The following NAALADL2 variants were observed in gnomAD, a reference collection of about 807,000 sequenced individuals.
NAALADL2 encodes N-acetylated alpha-linked acidic dipeptidase like 2, also known as inactive N-acetylated-alpha-linked acidic dipeptidase-like protein 2.
NAALADL2 carries 76 observed loss-of-function variants against 87.2 expected under a neutral mutation model. The observed-to-expected ratio is 0.87, with a 90% CI of 0.72 to 1.05. NAALADL2 has a LOEUF of 1.05. Ranked by LOEUF, NAALADL2 falls within the 50% of genes least tolerant of loss-of-function variation. The pLI is 0.00. For synonymous variants in NAALADL2, 354 were observed against 331.0 expected, an observed-to-expected ratio of 1.07 and a Z score of -0.75; for missense variants, 1,089 against 945.8, an observed-to-expected ratio of 1.15 and a Z score of -1.99.
At chr3:174,849,914 A>G (rs1725061728) in intron 3 of NAALADL2, among the ~76,000 whole-genome samples, 1 of 152,042 alleles carries the variant, frequency 6.6e-6, no homozygotes, top group African/African-American at 2.4e-5. Flanking sequence ...TCTTCCTACT[A>G]AAGATATAAG....
At chr3:175,581,967 C>A (rs1719849098) in intron 10 of NAALADL2, among the ~76,000 whole-genome samples, 1 of 152,128 alleles carries the variant, frequency 6.6e-6, no homozygotes, top group South Asian at 2.1e-4. Context: ...ATTCACCTGA[C>A]AAACAGCATG....
At chr3:174,796,010 T>A (rs762115048) in intron 3 of NAALADL2, among the ~76,000 whole-genome samples, 31 of 152,180 alleles carry the variant, frequency 2.0e-4, no homozygotes, top group Non-Finnish European at 4.1e-4. Context: ...TGTGAATTAT[T>A]TAGAGATGGA....
intron 2 of NAALADL2, among the ~76,000 whole-genome samples, chr3:174,679,504 G>T (rs1456620113): frequency 6.6e-6 from 1 of 151,994 alleles, no homozygotes; most frequent in Non-Finnish European, 1.5e-5. Context: ...ATGTATGTGG[G>T]TTACATCTGT....
intron 4 of NAALADL2, among the ~76,000 whole-genome samples, chr3:175,262,581 T>A (rs1307140401): frequency 4.5e-5 from 4 of 89,460 alleles, no homozygotes; most frequent in African/African-American, 1.1e-4. Flanking sequence ...TGTGAGTGTG[T>A]GTGTGTGTGT....
intron 7 of NAALADL2, among the ~76,000 whole-genome samples, chr3:175,465,326 T>C (rs1723823983): frequency 6.6e-6 from 1 of 152,042 alleles, no homozygotes; most frequent in Non-Finnish European, 1.5e-5. Context: ...AATAATCAAT[T>C]AGCATTGTTT....
intron 5 of NAALADL2, among the ~76,000 whole-genome samples, chr3:175,422,114 G>C (rs62285186): frequency 6.6e-6 from 1 of 152,014 alleles, no homozygotes; most frequent in Admixed American, 6.6e-5. Flanking sequence ...TGAAGTATTC[G>C]TGTAGATGAT....
intron 1 of NAALADL2, among the ~76,000 whole-genome samples, chr3:174,522,847 T>G (rs1393342739): frequency 2.2e-5 from 3 of 138,736 alleles, no homozygotes; most frequent in African/African-American, 5.4e-5. Flanking sequence ...GGCAGGAGAA[T>G]GGCGTGAACC....
intron 1 of NAALADL2, among the ~76,000 whole-genome samples, chr3:175,033,380 A>G (rs1753010257): frequency 6.6e-6 from 1 of 151,988 alleles, no homozygotes; most frequent in Admixed American, 6.6e-5. Flanking sequence ...AACAGATGAT[A>G]TTGTCTGTCT....
intron 5 of NAALADL2, among the ~76,000 whole-genome samples, chr3:175,386,160 T>G (rs1317570498): frequency 6.6e-6 from 1 of 152,076 alleles, no homozygotes; most frequent in Non-Finnish European, 1.5e-5. Flanking sequence ...CTTTGCTTGA[T>G]TGTTGGTTTG....
chr3:175,354,750 C>T (rs1764154599), intron 5 of NAALADL2, among the ~76,000 whole-genome samples: 1 of 151,776 alleles, frequency 6.6e-6, no homozygotes, highest in South Asian at 2.1e-4. Context: ...AACTCTGGGT[C>T]TCAAGTGATC....
intron 13 of NAALADL2, among the ~76,000 whole-genome samples, chr3:175,788,589 T>C (rs748998189): frequency 1.3e-5 from 2 of 152,132 alleles, no homozygotes; most frequent in Non-Finnish European, 2.9e-5. Context: ...CCGTCTATGT[T>C]TGGGTAAGTA....
chr3:175,256,994 C>CT (rs1373705937), intron 4 of NAALADL2: 1 of 152,050 alleles, frequency 6.6e-6, no homozygotes, highest in Non-Finnish European at 1.5e-5. Flanking sequence ...GTCAACTATA[C>CT]AACTACAGTT....
At chr3:175,021,589 G>C (rs1751570859) in intron 1 of NAALADL2, among the ~76,000 whole-genome samples, 1 of 152,044 alleles carries the variant, frequency 6.6e-6, no homozygotes, top group Non-Finnish European at 1.5e-5. Flanking sequence ...TGAACTTGTG[G>C]AGAAGTCAAA....
At chr3:175,005,199 C>T (rs533380568) in intron 1 of NAALADL2, among the ~76,000 whole-genome samples, 8 of 152,136 alleles carry the variant, frequency 5.3e-5, no homozygotes, top group African/African-American at 1.9e-4. Context: ...GGGATAGATA[C>T]TATTATTATC....
chr3:175,431,364 T>G (rs560002605), intron 5 of NAALADL2, among the ~76,000 whole-genome samples: 1 of 152,076 alleles, frequency 6.6e-6, no homozygotes, highest in South Asian at 2.1e-4. Flanking sequence ...GATTTTTTGT[T>G]TGTTTGTTTG....
At chr3:175,535,932 G>T (rs1399141233) in intron 9 of NAALADL2, among the ~76,000 whole-genome samples, 2 of 152,142 alleles carry the variant, frequency 1.3e-5, no homozygotes, top group African/African-American at 4.8e-5. Context: ...AAATGCACTA[G>T]TATGTCCATT....
intron 1 of NAALADL2, among the ~76,000 whole-genome samples, chr3:174,495,263 CA>C (rs199803612): frequency 0.072 from 8,613 of 120,244 alleles, 243 homozygotes; most frequent in African/African-American, 0.14. Flanking sequence ...ATTAACAAAC[CA>C]AAAAAAAAAA....
At chr3:175,008,721 C>CGTTACAGGGTAAGGCAA (rs138416001) in intron 1 of NAALADL2, among the ~76,000 whole-genome samples, 1 of 151,652 alleles carries the variant, frequency 6.6e-6, no homozygotes, top group Admixed American at 6.6e-5. Context: ...TACCCTACAA[C>CGTTACAGGGTAAGGCAA]GTTATAGGGT....
intron 1 of NAALADL2, among the ~76,000 whole-genome samples, chr3:174,891,254 A>C (rs1017931837): frequency 5.9e-5 from 9 of 152,126 alleles, no homozygotes; most frequent in African/African-American, 2.2e-4. Flanking sequence ...CTAAGGTGGC[A>C]AAACAGAAAG....
Sources: allele counts gnomAD v4.1 joint callset (sites outside exome capture counted in the v4.1 genomes callset), GRCh38; gene constraint gnomAD v4.1.1; transcripts MANE v1.5; gene names NCBI Gene and HGNC (gene_info 2026-07-23, HGNC 2026-07-21).